TNFRSF1A: variants seen among roughly 807,000 people sequenced by gnomAD.
TNFRSF1A encodes the protein tumor necrosis factor receptor superfamily member 1A.
In TNFRSF1A, 9 loss-of-function variants were observed where a neutral mutation model predicts 41.6. The observed-to-expected ratio is 0.22, with a 90% CI of 0.13 to 0.38. The LOEUF (loss-of-function observed/expected upper bound fraction) is 0.38, where lower values mean the gene tolerates loss of function less well. Among genes scored for constraint, TNFRSF1A ranks in the 10% least tolerant of loss-of-function variants. The pLI, the probability that TNFRSF1A is intolerant of heterozygous loss-of-function variation, is 1.00. For missense variants in TNFRSF1A, 463 were observed against 591.5 expected (o/e 0.78, Z 2.25); for synonymous variants, 254 against 248.6 (o/e 1.02, Z -0.21).
At position 6,341,405 on chromosome 12, in the gene TNFRSF1A, C is replaced by T. The variant is rs1427416202; in HGVS notation, c.39+371G>A. Among the ~76,000 whole-genome samples the T allele has an allele frequency of 2.0e-5, 3 of 152,232 alleles. No individual in the cohort carries two copies. The highest frequency in any genetic ancestry group is 4.4e-5 in the Non-Finnish European group (3 of 68,040). On this transcript the variant is annotated intron_variant, in intron 1 of 9. Transcript: ENST00000162749. This position sits in a 1 kb window ranked among gnomAD's most constrained non-coding sequence, Gnocchi z 4.6. ...ACAGAATTCAGAACCGTCTGGACTC[C>T]CCGAGCACTAATCTTCCTACTCCCA... is the stretch of plus-strand genomic sequence containing the variant.
At chr12:6,336,380 G>C (rs1948119939) in intron 1 of TNFRSF1A, among the ~76,000 whole-genome samples, 1 of 151,958 alleles carries the variant, frequency 6.6e-6, no homozygotes, top group African/African-American at 2.4e-5. Flanking sequence ...CCTAGGGAGG[G>C]GAGAGGGAAC....
chr12:6,334,301 A>G lies in TNFRSF1A; in HGVS notation c.40-57T>C. 4 of 1,537,322 alleles carry G rather than the reference A, an allele frequency of 2.6e-6. No individual in the cohort carries two copies. In the South Asian group the frequency reaches 4.6e-5, roughly 18 times the overall value. On this transcript the variant is annotated intron_variant, in intron 1 of 9. Coordinates refer to ENST00000162749, the MANE Select transcript of TNFRSF1A (RefSeq NM_001065.4). This position sits in a 1 kb window ranked among gnomAD's most constrained non-coding sequence, Gnocchi z 5.1. ...CAAGAGAGGGAGGGATGGGAAGCTT[A>G]GGGGTAGCAGATCTAAAACTTCCCT... is the stretch of plus-strand genomic sequence containing the variant.
chr12:6,330,829 G>T, intron 6 of TNFRSF1A, 24 bp downstream of exon 6: 1 of 1,609,110 alleles, frequency 6.2e-7, no homozygotes, highest in Non-Finnish European at 8.5e-7. Context: ...AGGTGAGCAT[G>T]GGCACCAGGT....
In TNFRSF1A at chr12:6,330,825, G is replaced by C. The variant is rs201521921; in HGVS notation, c.625+28C>G. The C allele has an allele frequency of 6.2e-6, 10 of 1,605,434 alleles. No individual in the cohort carries two copies. In the South Asian group the frequency reaches 9.9e-5, roughly 16 times the overall value. ...GCAAGAAGAGGGAGAGGGCAGGTGA[G>C]CATGGGCACCAGGTCACTTCTCCTC... is the stretch of plus-strand genomic sequence containing the variant. On this transcript the variant is annotated intron_variant, in intron 6 of 9. Coordinates refer to ENST00000162749, the MANE Select transcript of TNFRSF1A (RefSeq NM_001065.4).
Position 6,333,232 on chromosome 12 carries a change from G to A in TNFRSF1A, c.473-85C>T, listed in dbSNP as rs763751006. Reference sequence around the variant, plus strand: ...CAGAGGAAGTGACGAGGGACAGGGTGGGGGCGGCCAGAGAGGAGTTGGTTG... The same window carrying A: ...CAGAGGAAGTGACGAGGGACAGGGTAGGGGCGGCCAGAGAGGAGTTGGTTG... On this transcript the variant is annotated intron_variant, in intron 4 of 9. Coordinates refer to ENST00000162749, the MANE Select transcript of TNFRSF1A (RefSeq NM_001065.4). This position sits in a 1 kb window ranked among gnomAD's most constrained non-coding sequence, Gnocchi z 6.3. 6.4e-7 allele frequency: 1 copy of A among 1,555,554 alleles called. No individual in the cohort carries two copies. The highest frequency in any genetic ancestry group is 1.4e-5 in the African/African-American group (1 of 73,702).
intron 1 of TNFRSF1A, among the ~76,000 whole-genome samples, chr12:6,339,878 G>GT (rs1249315558): frequency 4.3e-5 from 6 of 139,538 alleles, no homozygotes; most frequent in Non-Finnish European, 9.1e-5. Context: ...CACACACACT[G>GT]TGAGCTCTGC....
intron 7 of TNFRSF1A, 99 bp downstream of exon 7, chr12:6,330,499 G>C (rs1948035727): frequency 9.4e-7 from 1 of 1,061,698 alleles, no homozygotes; most frequent in Admixed American, 1.9e-5. Context: ...TATGAACTGA[G>C]GGGACACTCC....
rs1565468463 is a variant in TNFRSF1A at position 6,334,262 on chromosome 12, A to G, written c.40-18T>C. 6.2e-7 allele frequency: 1 copy of G among 1,609,690 alleles called. No homozygotes were observed. Among genetic ancestry groups the G allele is most frequent in the Non-Finnish European group, 8.5e-7 (1 of 1,176,854 alleles). On this transcript the variant is annotated intron_variant, in intron 1 of 9. Transcript: ENST00000162749. This position sits in a 1 kb window ranked among gnomAD's most constrained non-coding sequence, Gnocchi z 5.1. ...AGGAGCACCTGGGGAAGAATCAGAT[A>G]GAGGAGACACCATCAAGAGAGGGAG...
chr12:6,334,344 A>G lies in TNFRSF1A; in HGVS notation c.40-100T>C. 1 of 1,097,802 alleles carries G rather than the reference A, an allele frequency of 9.1e-7. No homozygotes were observed. Among genetic ancestry groups the G allele is most frequent in the South Asian group, 1.4e-5 (1 of 69,234 alleles). 68.0% of individuals were successfully genotyped at this position (1,097,802 alleles called of 1,614,324 possible). A position where few individuals can be genotyped will look rare whatever the true frequency, so the allele number is the denominator to read the frequency against. On this transcript the variant is annotated intron_variant, in intron 1 of 9. Coordinates refer to ENST00000162749, the MANE Select transcript of TNFRSF1A (RefSeq NM_001065.4). The surrounding 1 kb of genome is among the most constrained non-coding windows in gnomAD (Gnocchi z 5.1). ...ACTTCCCTGGCTCAAGTCCTTCCTC[A>G]GTGAAACATTCCGCCCAGGCCACGC...
At chr12:6,338,895 G>A (rs1445412936) in intron 1 of TNFRSF1A, among the ~76,000 whole-genome samples, 1 of 152,190 alleles carries the variant, frequency 6.6e-6, no homozygotes, top group African/African-American at 2.4e-5. Flanking sequence ...CTCCTGAAGT[G>A]CTGGAATTAC....
In TNFRSF1A at chr12:6,333,603, G is replaced by C. The variant is rs910414627; in HGVS notation, c.323-87C>G. 1.3e-6 allele frequency: 2 copies of C among 1,596,610 alleles called. No individual in the cohort carries two copies. Among genetic ancestry groups the C allele is most frequent in the Non-Finnish European group, 8.6e-7 (1 of 1,169,196 alleles). On this transcript the variant is annotated intron_variant, in intron 3 of 9. Transcript: ENST00000162749. The surrounding 1 kb of genome is among the most constrained non-coding windows in gnomAD (Gnocchi z 6.3). Reference sequence around the variant, plus strand: ...GACATACCCCTAAGTGTGTGTCTCTGTAATACACACTCACATCCATGCAGT... The same window carrying C: ...GACATACCCCTAAGTGTGTGTCTCTCTAATACACACTCACATCCATGCAGT...
chr12:6,340,928 A>G (rs536762060), intron 1 of TNFRSF1A, among the ~76,000 whole-genome samples: 1 of 152,328 alleles, frequency 6.6e-6, no homozygotes, highest in South Asian at 2.1e-4. Context: ...AACTTCCCCA[A>G]ACTGAACTGT....
chr12:6,330,988 AC>A, intron 5 of TNFRSF1A, 62 bp from the exon 6 acceptor site: 1 of 1,395,682 alleles, frequency 7.2e-7, no homozygotes, highest in Non-Finnish European at 1.0e-6. Flanking sequence ...CAGAAAAACA[AC>A]CACACAGATT....
chr12:6,330,376 C>T (rs1948033025), intron 7 of TNFRSF1A, 81 bp from the exon 8 acceptor site: 2 of 1,371,416 alleles, frequency 1.5e-6, no homozygotes, highest in East Asian at 4.6e-5. Flanking sequence ...GCAGTGGGGA[C>T]TTGTGGTGAC....
Position 6,333,012 on chromosome 12 carries a change from T to C in TNFRSF1A, c.551+57A>G. On this transcript the variant is annotated intron_variant, in intron 5 of 9. Coordinates refer to ENST00000162749, the MANE Select transcript of TNFRSF1A (RefSeq NM_001065.4). This position sits in a 1 kb window ranked among gnomAD's most constrained non-coding sequence, Gnocchi z 6.3. ...TTGCCCAGCTAATGGTTCCCACCAGTCACCCGTCCCAACCCATGCCACCAT... is the reference window on the plus strand; with the variant it reads ...TTGCCCAGCTAATGGTTCCCACCAGCCACCCGTCCCAACCCATGCCACCAT... The C allele has an allele frequency of 6.6e-7, 1 of 1,521,958 alleles. No homozygotes were observed. Among genetic ancestry groups the C allele is most frequent in the Non-Finnish European group, 9.1e-7 (1 of 1,097,218 alleles). 94.3% of individuals were successfully genotyped at this position (1,521,958 alleles called of 1,614,324 possible). A position where few individuals can be genotyped will look rare whatever the true frequency, so the allele number is the denominator to read the frequency against.
intron 1 of TNFRSF1A, among the ~76,000 whole-genome samples, chr12:6,339,402 G>T (rs1177373527): frequency 6.6e-6 from 1 of 152,214 alleles, no homozygotes; most frequent in African/African-American, 2.4e-5. Flanking sequence ...GGGATGCTGA[G>T]GTGGATAATA....
At position 6,330,655 on chromosome 12, in the gene TNFRSF1A, G is replaced by A; in HGVS notation, c.682C>T (p.Leu228Phe). ...IFFGLCLLSLLFIGLMYRYQR... is the reference protein window; with the variant it reads ...IFFGLCLLSLFFIGLMYRYQR... Reference sequence around the variant, plus strand: ...TAGCGATACATTAAACCAATGAAGAGGAGGGATAAAAGGCAAAGACCAAAG... The same window carrying A: ...TAGCGATACATTAAACCAATGAAGAAGAGGGATAAAAGGCAAAGACCAAAG... Residue 228 changes from leucine (L) to phenylalanine (F), a missense_variant, in exon 7 of 10, where the codon CTC becomes TTC. Leu to Phe is a conservative substitution (Grantham distance 22). Transcript: ENST00000162749. The A allele has an allele frequency of 6.2e-7, 1 of 1,613,964 alleles. No homozygotes were observed. Among genetic ancestry groups the A allele is most frequent in the African/African-American group, 1.3e-5 (1 of 75,012 alleles).
Position 6,330,662 on chromosome 12 carries a change from T to C in TNFRSF1A, c.675A>G (p.Leu225=). The C allele has an allele frequency of 2.5e-6, 4 of 1,613,846 alleles. No homozygotes were observed. Among genetic ancestry groups the C allele is most frequent in the Middle Eastern group, 3.3e-4 (2 of 6,056 alleles). Residue 225 remains leucine, a synonymous_variant, in exon 7 of 10, where the codon TTA becomes TTG. Coordinates refer to ENST00000162749, the MANE Select transcript of TNFRSF1A (RefSeq NM_001065.4). The part of the protein sequence containing the change: ...PLVIFFGLCL[L]SLLFIGLMYR... ...ACATTAAACCAATGAAGAGGAGGGATAAAAGGCAAAGACCAAAGAAAATGA... is the reference window on the plus strand; with the variant it reads ...ACATTAAACCAATGAAGAGGAGGGACAAAAGGCAAAGACCAAAGAAAATGA...
chr12:6,342,041 CAG>C lies in TNFRSF1A; in HGVS notation c.-229_-228del, dbSNP rs1948202229. ...CCAGAGAATTCTGAGAAAATTAAAGCAGAGAGGAGGGGAGAGAAGGTGGGAGG... is the reference window on the plus strand; with the variant it reads ...CCAGAGAATTCTGAGAAAATTAAAGCAGAGGAGGGGAGAGAAGGTGGGAGG... On this transcript the variant is annotated 5_prime_UTR_variant, in exon 1 of 10. Coordinates refer to ENST00000162749, the MANE Select transcript of TNFRSF1A (RefSeq NM_001065.4). The C allele has an allele frequency of 3.3e-6, 2 of 613,166 alleles. No individual in the cohort carries two copies. The highest frequency in any genetic ancestry group is 5.9e-6 in the Non-Finnish European group (2 of 337,152). 38.0% of individuals were successfully genotyped at this position (613,166 alleles called of 1,614,324 possible).
Sources: allele counts gnomAD v4.1 joint callset (sites outside exome capture counted in the v4.1 genomes callset), GRCh38; gene constraint gnomAD v4.1.1; non-coding constraint Gnocchi (gnomAD v3.1); transcripts MANE v1.5; gene names NCBI Gene and HGNC (gene_info 2026-07-23, HGNC 2026-07-21).